MNAT1: variants seen among roughly 807,000 people sequenced by gnomAD.
MNAT1 encodes CDK-activating kinase assembly factor MAT1.
In MNAT1, 43 loss-of-function variants were observed where a neutral mutation model predicts 42.0. That is an observed-to-expected ratio of 1.02 (90% CI 0.80 to 1.32). The LOEUF (loss-of-function observed/expected upper bound fraction) is 1.32. MNAT1 is among the 40% of genes most tolerant of loss of function. The probability of loss-of-function intolerance (pLI) is 0.00; values close to 1 mark genes in which losing one functional copy is unlikely to be tolerated. For synonymous variants in MNAT1, 118 were observed against 120.0 expected (o/e 0.98, Z 0.11); for missense variants, 306 against 350.4 (o/e 0.87, Z 1.01).
At chr14:60,865,711 AAAAACAAAC>A (rs2034188220) in intron 6 of MNAT1, among the ~76,000 whole-genome samples, 2 of 152,166 alleles carry the variant, frequency 1.3e-5, no homozygotes, top group Admixed American at 1.3e-4. Context: ...CTATAACAAC[AAAAACAAAC>A]AAAATAAACA....
intron 7 of MNAT1, among the ~76,000 whole-genome samples, chr14:60,913,822 C>T (rs533679500): frequency 9.8e-4 from 149 of 152,296 alleles, no homozygotes; most frequent in African/African-American, 2.9e-3. Flanking sequence ...TCTCCAGCTG[C>T]GTGCTGGAAG....
At chr14:60,922,739 T>C (rs565683794) in intron 7 of MNAT1, among the ~76,000 whole-genome samples, 10 of 152,110 alleles carry the variant, frequency 6.6e-5, no homozygotes, top group Non-Finnish European at 1.2e-4. Flanking sequence ...TCAAATGGAA[T>C]AGTGATCAAG....
chr14:60,917,757 G>A (rs2035557168), intron 7 of MNAT1, among the ~76,000 whole-genome samples: 1 of 151,724 alleles, frequency 6.6e-6, no homozygotes, highest in Non-Finnish European at 1.5e-5. Context: ...CAAGTAGCTG[G>A]GATTACAGGT....
At chr14:60,891,837 T>C (rs1486637952) in intron 7 of MNAT1, among the ~76,000 whole-genome samples, 2 of 152,190 alleles carry the variant, frequency 1.3e-5, no homozygotes, top group African/African-American at 4.8e-5. Context: ...TACGTTTTGG[T>C]ATGGCTTGTT....
chr14:60,898,140 T>C (rs1403962849), intron 7 of MNAT1, among the ~76,000 whole-genome samples: 28 of 10,102 alleles, frequency 2.8e-3, no homozygotes, highest in East Asian at 0.017. Flanking sequence ...TGTGTGTGTG[T>C]GCGCGCGCCA....
At chr14:60,949,012 AT>A (rs1292037995) in intron 7 of MNAT1, among the ~76,000 whole-genome samples, 3 of 152,148 alleles carry the variant, frequency 2.0e-5, no homozygotes, top group Non-Finnish European at 4.4e-5. Flanking sequence ...CTTCTCACTT[AT>A]TTTACAAAGC....
At chr14:60,880,579 G>A (rs2139464501) in intron 7 of MNAT1, among the ~76,000 whole-genome samples, 1 of 152,016 alleles carries the variant, frequency 6.6e-6, no homozygotes, top group African/African-American at 2.4e-5. Context: ...TGGGTAAATC[G>A]AGTCCAAGAA....
rs188795874 is a variant in MNAT1 at position 60,956,526 on chromosome 14, A to G, written c.810-11703A>G. Among the ~76,000 whole-genome samples the G allele has an allele frequency of 5.8e-4, 88 of 152,294 alleles. 1 individual carries two copies. The highest frequency in any genetic ancestry group is 9.9e-4 in the Non-Finnish European group (67 of 68,002). On this transcript the variant is annotated intron_variant, in intron 7 of 7. Coordinates refer to ENST00000261245, the MANE Select transcript of MNAT1 (RefSeq NM_002431.4). ...CGTCTGTTAGGTTTATTTTGTCTGA[A>G]GTGTAATTCCAGCTTAGTGTTCCTT...
intron 1 of MNAT1, 148 bp downstream of exon 1, chr14:60,735,099 T>C: frequency 1.3e-6 from 1 of 773,246 alleles, no homozygotes; most frequent in Non-Finnish European, 2.2e-6. Flanking sequence ...CGTTGTGACT[T>C]TAAATAGACT....
At chr14:60,896,336 T>G (rs1224559774) in intron 7 of MNAT1, among the ~76,000 whole-genome samples, 1 of 152,190 alleles carries the variant, frequency 6.6e-6, no homozygotes, top group Non-Finnish European at 1.5e-5. Flanking sequence ...ATTGTCAATG[T>G]GAGACTCTCT....
intron 6 of MNAT1, among the ~76,000 whole-genome samples, chr14:60,848,977 G>T (rs1212530736): frequency 6.6e-6 from 1 of 152,164 alleles, no homozygotes; most frequent in Non-Finnish European, 1.5e-5. Flanking sequence ...TCCCCACTGA[G>T]TATCTAATTT....
At chr14:60,952,729 C>G (rs1422736925) in intron 7 of MNAT1, among the ~76,000 whole-genome samples, 1 of 152,096 alleles carries the variant, frequency 6.6e-6, no homozygotes, top group Non-Finnish European at 1.5e-5. Flanking sequence ...GCCACCCATG[C>G]AGATAAACAT....
intron 6 of MNAT1, among the ~76,000 whole-genome samples, chr14:60,820,536 CTT>C (rs754720202): frequency 8.8e-5 from 12 of 136,622 alleles, no homozygotes; most frequent in Admixed American, 2.9e-4. Flanking sequence ...TCTTTTGCAA[CTT>C]TTTTTTTTTT....
intron 6 of MNAT1, among the ~76,000 whole-genome samples, chr14:60,833,324 T>A (rs1464313364): frequency 6.6e-6 from 1 of 152,220 alleles, no homozygotes; most frequent in Non-Finnish European, 1.5e-5. Context: ...TTGTCATAAA[T>A]AGCTCTTGTT....
intron 6 of MNAT1, among the ~76,000 whole-genome samples, chr14:60,832,661 A>C (rs1179718956): frequency 6.6e-6 from 1 of 150,654 alleles, no homozygotes; most frequent in East Asian, 1.9e-4. Flanking sequence ...GGCTATACAG[A>C]CTTTTTTTTT....
chr14:60,843,571 C>A (rs184237162), intron 6 of MNAT1, among the ~76,000 whole-genome samples: 1 of 152,064 alleles, frequency 6.6e-6, no homozygotes, highest in Admixed American at 6.6e-5. Context: ...CGTCCGGCCT[C>A]GTTTGCCTTT....
chr14:60,813,499 G>C (rs563831835), intron 5 of MNAT1, among the ~76,000 whole-genome samples: 1 of 152,276 alleles, frequency 6.6e-6, no homozygotes, highest in East Asian at 1.9e-4. Flanking sequence ...AGAATAAGGA[G>C]GTAGAAGATG....
intron 1 of MNAT1, among the ~76,000 whole-genome samples, chr14:60,780,853 T>A (rs1311873406): frequency 6.6e-6 from 1 of 152,186 alleles, no homozygotes; most frequent in Non-Finnish European, 1.5e-5. Flanking sequence ...CATTGTGATG[T>A]ATATTCCTTT....
At chr14:60,873,142 ACT>A (rs1339509804) in intron 6 of MNAT1, among the ~76,000 whole-genome samples, 1 of 151,678 alleles carries the variant, frequency 6.6e-6, no homozygotes, top group Non-Finnish European at 1.5e-5. Flanking sequence ...TGAGCCAGTG[ACT>A]CTCACTATGT....
Sources: gnomAD v4.1 joint callset for allele counts (sites outside exome capture counted in the v4.1 genomes callset) on GRCh38, gnomAD v4.1.1 for gene constraint, MANE v1.5 for transcripts, NCBI Gene and HGNC (gene_info 2026-07-23, HGNC 2026-07-21) for gene names.